The following MCMDC2 variants were observed in gnomAD, a reference collection of about 807,000 sequenced individuals.
MCMDC2 encodes the protein minichromosome maintenance domain containing 2.
In MCMDC2, 54 loss-of-function variants were observed where a neutral mutation model predicts 75.8. That is an observed-to-expected ratio of 0.71 (90% CI 0.57 to 0.89). MCMDC2 has a LOEUF of 0.89. Among genes scored for constraint, MCMDC2 ranks in the 40% least tolerant of loss-of-function variants. MCMDC2 has a pLI of 0.00. For synonymous variants in MCMDC2, 249 were observed against 274.6 expected, an observed-to-expected ratio of 0.91 and a Z score of 0.92; for missense variants, 656 against 780.4, an observed-to-expected ratio of 0.84 and a Z score of 1.90.
At chr8:66,911,284 G>A (rs933609487) in intron 14 of MCMDC2, among the ~76,000 whole-genome samples, 4 of 152,052 alleles carry the variant, frequency 2.6e-5, no homozygotes, top group Admixed American at 2.6e-4. Context: ...AGATCCGATG[G>A]TTTTATAAGG....
intron 14 of MCMDC2, among the ~76,000 whole-genome samples, 191 bp from the exon 15 acceptor site, chr8:66,918,812 A>G (rs1813414845): frequency 6.6e-6 from 1 of 152,180 alleles, no homozygotes. Flanking sequence ...GTCAGATTTC[A>G]ATAATGATTA....
intron 14 of MCMDC2, among the ~76,000 whole-genome samples, chr8:66,913,844 G>T (rs1813204254): frequency 6.6e-6 from 1 of 151,346 alleles, no homozygotes; most frequent in South Asian, 2.1e-4. Context: ...TGTGCCTATA[G>T]TCCCAACTAC....
At chr8:66,905,413 A>G in intron 14 of MCMDC2, 78 bp downstream of exon 14, 6 of 1,143,248 alleles carry the variant, frequency 5.2e-6, no homozygotes, top group Non-Finnish European at 6.8e-6. Flanking sequence ...TTAAATTAAA[A>G]TGTTACATAT....
intron 9 of MCMDC2, among the ~76,000 whole-genome samples, chr8:66,886,965 G>A (rs1163300845): frequency 6.6e-6 from 1 of 152,002 alleles, no homozygotes; most frequent in African/African-American, 2.4e-5. Context: ...TTGCATTTCC[G>A]AGGTGACTAT....
intron 5 of MCMDC2, among the ~76,000 whole-genome samples, chr8:66,877,863 TAAAAA>T: frequency 1.1e-5 from 1 of 87,436 alleles, no homozygotes; most frequent in East Asian, 3.3e-4. Flanking sequence ...TGACCCTGTC[TAAAAA>T]AAAAAAAAAA....
At chr8:66,922,618 A>G (rs975249833), downstream of MCMDC2, 35 of 483,878 alleles carry the variant, frequency 7.2e-5, no homozygotes, top group Admixed American at 3.6e-4. Context: ...AGGTACCTCA[A>G]TACATGCCGC....
chr8:66,882,233 G>A (rs576925170), intron 8 of MCMDC2, among the ~76,000 whole-genome samples: 1 of 152,306 alleles, frequency 6.6e-6, no homozygotes, highest in African/African-American at 2.4e-5. Context: ...ATTGATCTAA[G>A]GGCAGGATTT....
At chr8:66,876,474 C>T (rs1480989895) in intron 4 of MCMDC2, among the ~76,000 whole-genome samples, 1 of 151,914 alleles carries the variant, frequency 6.6e-6, no homozygotes, top group East Asian at 1.9e-4. Flanking sequence ...TTTGTCATTC[C>T]TTTTGATGCT....
At chr8:66,897,076 T>C in intron 12 of MCMDC2, 117 bp downstream of exon 12, 1 of 1,004,284 alleles carries the variant, frequency 1.0e-6, no homozygotes, top group Non-Finnish European at 1.4e-6. Flanking sequence ...CCATCTTGGT[T>C]CCAGCTTTTA....
At chr8:66,911,462 G>A (rs1012960702) in intron 14 of MCMDC2, among the ~76,000 whole-genome samples, 2 of 152,150 alleles carry the variant, frequency 1.3e-5, no homozygotes, top group Non-Finnish European at 2.9e-5. Context: ...CCAGTTTTGG[G>A]CAGTTCTTTA....
intron 1 of MCMDC2, among the ~76,000 whole-genome samples, chr8:66,872,839 T>C (rs2130784106): frequency 6.6e-6 from 1 of 151,306 alleles, no homozygotes; most frequent in African/African-American, 2.4e-5. Context: ...ATGCCTATAA[T>C]CCCAGCTACT....
chr8:66,883,918 A>T lies in MCMDC2; in HGVS notation c.997A>T (p.Thr333Ser). 6.2e-7 allele frequency: 1 copy of T among 1,614,032 alleles called. No homozygotes were observed. The highest frequency in any genetic ancestry group is 8.5e-7 in the Non-Finnish European group (1 of 1,179,958). ...CTGTTTGTTGATGAGTCTAGTACAG[A>T]CAACTGACCGTAACAAGGAACTGGA... ...KLCLLMSLVQ[T>S]TDRNKELEDC... The change falls in exon 9 of 15, where the codon ACA (threonine) becomes TCA (serine). Residue 333 changes from threonine to serine, a missense_variant. Transcript: ENST00000422365.
In MCMDC2 at chr8:66,891,065, A is replaced by C. The variant is rs771190491; in HGVS notation, c.1274A>C (p.Gln425Pro). Residue 425 changes from glutamine to proline, a missense_variant, in exon 10 of 15, where the codon CAA (glutamine) becomes CCA (proline). Transcript: ENST00000422365. ...SHKKDKLEQL[Q>P]TVLESRSITV... ...AAAAAAGATAAACTTGAACAGCTTC[A>C]AACAGGTAAACAATATTTTTTAAAT... The C allele has an allele frequency of 6.3e-7, 1 of 1,591,342 alleles. No homozygotes were observed. Among genetic ancestry groups the C allele is most frequent in the Non-Finnish European group, 8.5e-7 (1 of 1,174,414 alleles).
In MCMDC2 at chr8:66,884,008, A is replaced by G; in HGVS notation, c.1073+14A>G. On this transcript the variant is annotated intron_variant, in intron 9 of 14. Coordinates refer to ENST00000422365, the MANE Select transcript of MCMDC2 (RefSeq NM_173518.5). ...ACTCATAGACAGGTATATATGTGAC[A>G]TGAATTTTTACAAATATTAATTGGT... The G allele has an allele frequency of 6.6e-7, 1 of 1,522,812 alleles. No homozygotes were observed. The highest frequency in any genetic ancestry group is 9.1e-7 in the Non-Finnish European group (1 of 1,099,464). 94.3% of individuals were successfully genotyped at this position (1,522,812 alleles called of 1,614,324 possible).
intron 14 of MCMDC2, among the ~76,000 whole-genome samples, chr8:66,915,596 A>G (rs2130871346): frequency 6.7e-6 from 1 of 150,096 alleles, no homozygotes; most frequent in East Asian, 1.9e-4. Flanking sequence ...GTGGAGGAAA[A>G]GTGTGAGTAT....
chr8:66,923,503 A>G (rs539508626), downstream of MCMDC2, among the ~76,000 whole-genome samples: 1 of 152,350 alleles, frequency 6.6e-6, no homozygotes, highest in South Asian at 2.1e-4. Context: ...CTGGTTTTGA[A>G]TAATTCAAAA....
chr8:66,923,385 C>T (rs753315540), downstream of MCMDC2, among the ~76,000 whole-genome samples: 1 of 151,976 alleles, frequency 6.6e-6, no homozygotes, highest in Admixed American at 6.6e-5. Context: ...GGCAGCAATA[C>T]GAAATGATTT....
At chr8:66,924,633 CAAAA>C (rs201097719), downstream of MCMDC2, among the ~76,000 whole-genome samples, 33 of 81,144 alleles carry the variant, frequency 4.1e-4, no homozygotes, top group African/African-American at 1.4e-3. Context: ...GACTCTGGCT[CAAAA>C]AAAAAAAAAA....
intron 10 of MCMDC2, among the ~76,000 whole-genome samples, chr8:66,892,630 G>A (rs1208446799): frequency 5.9e-5 from 9 of 152,136 alleles, no homozygotes; most frequent in Admixed American, 5.9e-4. Context: ...TTGGTCCATG[G>A]GTGGGCCCAG....
Sources: gnomAD v4.1 joint callset for allele counts (sites outside exome capture counted in the v4.1 genomes callset) on GRCh38, gnomAD v4.1.1 for gene constraint, MANE v1.5 for transcripts, NCBI Gene and HGNC (gene_info 2026-07-23, HGNC 2026-07-21) for gene names.